Variants in TMEM41B observed in about 807,000 individuals in gnomAD.
TMEM41B encodes protein stasimon.
TMEM41B carries 18 observed loss-of-function variants against 31.9 expected under a neutral mutation model. That is an observed-to-expected ratio of 0.56 (90% CI 0.39 to 0.84). The LOEUF (loss-of-function observed/expected upper bound fraction) is 0.84. TMEM41B is among the 40% of genes least tolerant of loss of function. The pLI is 0.00. For missense variants in TMEM41B, 322 were observed against 348.0 expected, an observed-to-expected ratio of 0.93 and a Z score of 0.59; for synonymous variants, 144 against 124.3, an observed-to-expected ratio of 1.16 and a Z score of -1.05.
At chr11:9,293,330 T>A (rs981929128) in intron 3 of TMEM41B, among the ~76,000 whole-genome samples, 2 of 152,032 alleles carry the variant, frequency 1.3e-5, no homozygotes, top group African/African-American at 4.8e-5. Flanking sequence ...CTCGAACCAC[T>A]GGCCTCACGC....
intron 3 of TMEM41B, among the ~76,000 whole-genome samples, chr11:9,290,038 AACACACACACACAC>A (rs138140225): frequency 6.7e-6 from 1 of 149,798 alleles, no homozygotes; most frequent in South Asian, 2.1e-4. Flanking sequence ...TCAAAAACAA[AACACACACACACAC>A]ACACACACAA....
chr11:9,291,547 G>C (rs768384767), intron 3 of TMEM41B, among the ~76,000 whole-genome samples: 1 of 151,354 alleles, frequency 6.6e-6, no homozygotes, highest in Non-Finnish European at 1.5e-5. Flanking sequence ...GATTACAAGC[G>C]TGTGCCATCG....
rs1852713471 is a variant in TMEM41B at position 9,281,300 on chromosome 11, TATCA to T, written c.*2120_*2123del. 6.6e-6 allele frequency: 1 copy of T among 152,194 alleles called. No individual in the cohort carries two copies. Among genetic ancestry groups the T allele is most frequent in the Admixed American group, 6.5e-5 (1 of 15,268 alleles). The allele number at this position is 152,194 out of a possible 1,614,324, so 9.4% of individuals were successfully genotyped here. ...TTATGTGTAAAAATAACAAAAGATG[TATCA>T]GTCAGTCTCTGGGCAATAAGAAAGG... On this transcript the variant is annotated 3_prime_UTR_variant, in exon 7 of 7. Transcript: ENST00000528080.
intron 2 of TMEM41B, among the ~76,000 whole-genome samples, chr11:9,296,269 G>A (rs962840641): frequency 1.3e-5 from 2 of 152,084 alleles, no homozygotes; most frequent in African/African-American, 2.4e-5. Context: ...TCTGGATGAC[G>A]CAAACCAAGG....
chr11:9,298,923 T>C (rs1027916065), intron 2 of TMEM41B, among the ~76,000 whole-genome samples: 2 of 152,056 alleles, frequency 1.3e-5, no homozygotes, highest in African/African-American at 2.4e-5. Context: ...CTTCATATAA[T>C]CTATGATTAT....
intron 1 of TMEM41B, among the ~76,000 whole-genome samples, chr11:9,313,930 C>T (rs1414686948): frequency 6.6e-6 from 1 of 152,106 alleles, no homozygotes; most frequent in African/African-American, 2.4e-5. Flanking sequence ...ACTGATCTGG[C>T]TTTATGACTT....
intron 6 of TMEM41B, among the ~76,000 whole-genome samples, chr11:9,285,892 G>A (rs988760467): frequency 2.0e-5 from 3 of 151,996 alleles, no homozygotes; most frequent in African/African-American, 7.2e-5. Flanking sequence ...TGAGGTAGGT[G>A]GACCATGAGG....
intron 1 of TMEM41B, among the ~76,000 whole-genome samples, chr11:9,310,388 AAAC>A (rs1446594966): frequency 2.4e-5 from 3 of 123,378 alleles, no homozygotes; most frequent in Non-Finnish European, 5.8e-5. Context: ...AGGAAAGATT[AAAC>A]AAAAAAAAAC....
chr11:9,308,394 C>G (rs1853452892), intron 1 of TMEM41B, among the ~76,000 whole-genome samples: 2 of 152,092 alleles, frequency 1.3e-5, no homozygotes, highest in African/African-American at 4.8e-5. Context: ...GGAGAACTTG[C>G]TAAATAAAAT....
At chr11:9,310,758 G>A (rs973201664) in intron 1 of TMEM41B, among the ~76,000 whole-genome samples, 2 of 151,010 alleles carry the variant, frequency 1.3e-5, no homozygotes, top group African/African-American at 4.9e-5. Flanking sequence ...GGGCTAAGGA[G>A]GAGAGGTAAG....
rs1009530890 is a variant in TMEM41B, at chr11:9,280,771, GAACAGTTTC to G, written c.*2644_*2652del. 1 of 152,170 alleles carries G rather than the reference GAACAGTTTC, an allele frequency of 6.6e-6. No individual in the cohort carries two copies. The highest frequency in any genetic ancestry group is 2.4e-5 in the African/African-American group (1 of 41,444). The allele number at this position is 152,170 out of a possible 1,614,324, so 9.4% of individuals were successfully genotyped here. On this transcript the variant is annotated 3_prime_UTR_variant, in exon 7 of 7. Transcript: ENST00000528080. ...CAGAGAAAGACAGTTAACTAAGAAA[GAACAGTTTC>G]ACTTTCTTAGCTTGTCAACTCCTAG... is the stretch of plus-strand genomic sequence containing the variant.
rs573367004 is a variant in TMEM41B at position 9,290,614 on chromosome 11, T to C, written c.369-2079A>G. Among the ~76,000 whole-genome samples the C allele has an allele frequency of 2.0e-5, 3 of 151,684 alleles. No homozygotes were observed. In the South Asian group the frequency reaches 6.3e-4, roughly 32 times the overall value. Reference sequence around the variant, plus strand: ...AAGGATGAAAGGAGATAAATGGAAATTTTCCCTTGAGGAAATTGAGAGAAG... The same window carrying C: ...AAGGATGAAAGGAGATAAATGGAAACTTTCCCTTGAGGAAATTGAGAGAAG... On this transcript the variant is annotated intron_variant, in intron 3 of 6. Coordinates refer to ENST00000528080, the MANE Select transcript of TMEM41B (RefSeq NM_015012.4).
chr11:9,300,352 A>G (rs952209049), intron 1 of TMEM41B, among the ~76,000 whole-genome samples: 1 of 152,164 alleles, frequency 6.6e-6, no homozygotes, highest in Admixed American at 6.6e-5. Flanking sequence ...GGGAGCCAAC[A>G]GCATAGACAA....
intron 3 of TMEM41B, among the ~76,000 whole-genome samples, chr11:9,291,636 G>A (rs1014908705): frequency 5.3e-5 from 8 of 151,732 alleles, no homozygotes; most frequent in Non-Finnish European, 1.0e-4. Flanking sequence ...TCCCGATCTC[G>A]TGATCCACCC....
intron 3 of TMEM41B, chr11:9,295,019 G>C (rs529502830): frequency 1.1e-4 from 52 of 457,896 alleles, no homozygotes; most frequent in Non-Finnish European, 1.5e-4. Flanking sequence ...AAAATGTTTG[G>C]TAAGTGAAAA....
intron 1 of TMEM41B, among the ~76,000 whole-genome samples, chr11:9,303,789 T>C (rs1271079693): frequency 6.6e-6 from 1 of 151,282 alleles, no homozygotes; most frequent in Non-Finnish European, 1.5e-5. Flanking sequence ...CATCTCAGCC[T>C]CTGGAGTAGC....
intron 1 of TMEM41B, among the ~76,000 whole-genome samples, chr11:9,312,285 A>G (rs965436113): frequency 4.6e-5 from 7 of 152,218 alleles, no homozygotes; most frequent in Non-Finnish European, 8.8e-5. Flanking sequence ...TGGGGAGGCC[A>G]AGGCAGGAAG....
chr11:9,293,641 G>A (rs931948584), intron 3 of TMEM41B, among the ~76,000 whole-genome samples: 5 of 152,004 alleles, frequency 3.3e-5, no homozygotes, highest in Admixed American at 6.6e-5. Context: ...GAGTGCAGTG[G>A]CACGATCTCA....
chr11:9,299,325 T>TACACACACACACACACACAC (rs139794462), intron 2 of TMEM41B, among the ~76,000 whole-genome samples: 2,103 of 123,098 alleles, frequency 0.017, 26 homozygotes, highest in South Asian at 0.03. Context: ...TATACATACA[T>TACACACACACACACACACAC]ACACACACAC....
Sources: gnomAD v4.1 joint callset for allele counts (sites outside exome capture counted in the v4.1 genomes callset) on GRCh38, gnomAD v4.1.1 for gene constraint, MANE v1.5 for transcripts, NCBI Gene and HGNC (gene_info 2026-07-23, HGNC 2026-07-21) for gene names.